PHACTR1: variants seen among roughly 807,000 people sequenced by gnomAD.
PHACTR1 encodes the protein phosphatase and actin regulator 1.
A neutral mutation model predicts 69.2 loss-of-function variants in PHACTR1; 16 were observed. That is an observed-to-expected ratio of 0.23 (90% CI 0.16 to 0.35). PHACTR1 has a LOEUF of 0.35. PHACTR1 is among the 10% of genes least tolerant of loss of function. The pLI, the probability that PHACTR1 is intolerant of heterozygous loss-of-function variation, is 1.00. For missense variants in PHACTR1, 510 were observed against 734.7 expected (o/e 0.69, Z 3.54); for synonymous variants, 312 against 284.5 (o/e 1.10, Z -0.97).
intron 5 of PHACTR1, among the ~76,000 whole-genome samples, chr6:13,109,310 G>T (rs2127896689): frequency 6.6e-6 from 1 of 151,882 alleles, no homozygotes; most frequent in Non-Finnish European, 1.5e-5. Flanking sequence ...CCTCTAATAT[G>T]TCTTATAGTG....
At chr6:13,085,783 G>T (rs539721412) in intron 5 of PHACTR1, among the ~76,000 whole-genome samples, 152 of 152,062 alleles carry the variant, frequency 1.0e-3, no homozygotes, top group African/African-American at 3.5e-3. Flanking sequence ...ATGTTTTATG[G>T]ATTAAAGAAT....
chr6:12,977,300 C>T (rs1795006256), intron 4 of PHACTR1, among the ~76,000 whole-genome samples: 1 of 152,044 alleles, frequency 6.6e-6, no homozygotes, highest in East Asian at 1.9e-4. Flanking sequence ...TGGAATGTAC[C>T]TCCCTGCAGA....
intron 5 of PHACTR1, among the ~76,000 whole-genome samples, chr6:13,098,959 A>G (rs1561828739): frequency 6.6e-6 from 1 of 152,218 alleles, no homozygotes; most frequent in Non-Finnish European, 1.5e-5. Flanking sequence ...AAGCAAAAAC[A>G]TAGTCATATC....
chr6:13,232,278 C>T (rs1275858052), intron 10 of PHACTR1, among the ~76,000 whole-genome samples: 1 of 152,216 alleles, frequency 6.6e-6, no homozygotes, highest in Non-Finnish European at 1.5e-5. Context: ...GTATTCTTCC[C>T]TCCCACCTGA....
chr6:13,133,598 T>A (rs1293390178), intron 5 of PHACTR1, among the ~76,000 whole-genome samples: 1 of 152,052 alleles, frequency 6.6e-6, no homozygotes, highest in Non-Finnish European at 1.5e-5. Flanking sequence ...CACTCAGTGC[T>A]CAATGTTGCC....
At chr6:13,069,379 A>G (rs769731039) in intron 5 of PHACTR1, among the ~76,000 whole-genome samples, 2 of 152,020 alleles carry the variant, frequency 1.3e-5, no homozygotes, top group Non-Finnish European at 2.9e-5. Context: ...TTTTCTCTCC[A>G]AAGTTCTGAT....
intron 14 of PHACTR1, 134 bp from the exon 15 acceptor site, chr6:13,286,929 C>T (rs546475943): frequency 2.2e-6 from 2 of 915,778 alleles, no homozygotes; most frequent in South Asian, 3.2e-5. Context: ...CAGTGGTACT[C>T]CTGTGGGGAT....
intron 7 of PHACTR1, among the ~76,000 whole-genome samples, chr6:13,200,298 C>T (rs1409560131): frequency 3.9e-5 from 6 of 152,104 alleles, no homozygotes; most frequent in East Asian, 1.9e-4. Context: ...GCAACCTCCA[C>T]CTCCTGGGTT....
intron 5 of PHACTR1, among the ~76,000 whole-genome samples, chr6:13,152,093 G>A (rs921441452): frequency 1.4e-4 from 22 of 152,180 alleles, no homozygotes; most frequent in Admixed American, 1.2e-3. Context: ...AGCACTCTGG[G>A]AGGTAGAGGT....
At chr6:12,831,086 T>C (rs1388495705) in intron 4 of PHACTR1, among the ~76,000 whole-genome samples, 1 of 152,174 alleles carries the variant, frequency 6.6e-6, no homozygotes, top group Non-Finnish European at 1.5e-5. Context: ...CAAAGAACTA[T>C]CGTATTTGAG....
chr6:12,718,049 G>A (rs1005414861), intron 2 of PHACTR1, among the ~76,000 whole-genome samples: 1 of 152,068 alleles, frequency 6.6e-6, no homozygotes. Context: ...GATAATATAG[G>A]GATCACTGTA....
intron 3 of PHACTR1, among the ~76,000 whole-genome samples, chr6:12,746,732 A>G (rs1765828090): frequency 6.6e-6 from 1 of 152,232 alleles, no homozygotes. Flanking sequence ...AAAATGTTAA[A>G]TGAATAAGAA....
chr6:13,201,025 T>G (rs1765164267), intron 7 of PHACTR1, among the ~76,000 whole-genome samples: 1 of 151,634 alleles, frequency 6.6e-6, no homozygotes, highest in Non-Finnish European at 1.5e-5. Flanking sequence ...AGAAGAGGAA[T>G]GAGCATCATT....
intron 5 of PHACTR1, among the ~76,000 whole-genome samples, chr6:13,133,611 G>T (rs1820925436): frequency 6.6e-6 from 1 of 152,142 alleles, no homozygotes; most frequent in African/African-American, 2.4e-5. Flanking sequence ...ATGTTGCCCA[G>T]GCTGGAGTGC....
chr6:12,787,574 CA>C (rs1292330177), intron 4 of PHACTR1, among the ~76,000 whole-genome samples: 3 of 152,160 alleles, frequency 2.0e-5, no homozygotes, highest in Admixed American at 6.5e-5. Context: ...TGCCTTTTGA[CA>C]AAAGTTAGGG....
intron 4 of PHACTR1, among the ~76,000 whole-genome samples, chr6:12,758,792 G>T (rs1767673307): frequency 6.6e-6 from 1 of 152,056 alleles, no homozygotes; most frequent in African/African-American, 2.4e-5. Flanking sequence ...GGAAAGAAGA[G>T]ATGGAACTAG....
At chr6:12,806,884 G>C (rs759455275) in intron 4 of PHACTR1, among the ~76,000 whole-genome samples, 27 of 152,164 alleles carry the variant, frequency 1.8e-4, no homozygotes, top group Non-Finnish European at 3.4e-4. Flanking sequence ...TCAGAATTGT[G>C]AATTTGTTTG....
At chr6:12,887,743 C>T (rs1290602697) in intron 4 of PHACTR1, among the ~76,000 whole-genome samples, 1 of 151,994 alleles carries the variant, frequency 6.6e-6, no homozygotes, top group African/African-American at 2.4e-5. Context: ...CTGAATGTCC[C>T]CCAAAGTTAT....
rs542523201 is a variant in PHACTR1, at chr6:13,129,235, A to C, written c.416-30969A>C. 2.0e-5 allele frequency among the ~76,000 whole-genome samples: 3 copies of C among 152,292 alleles called. No individual in the cohort carries two copies. In the South Asian group the frequency reaches 6.2e-4, roughly 32 times the overall value. ...ACAAATCTCATAGGGCCTATAAAAC[A>C]ATAACACAGTGGAAAAAAAACACGA... On this transcript the variant is annotated intron_variant, in intron 5 of 14. Coordinates refer to ENST00000332995, the MANE Select transcript of PHACTR1 (RefSeq NM_030948.6).
Sources: allele counts gnomAD v4.1 joint callset (sites outside exome capture counted in the v4.1 genomes callset), GRCh38; gene constraint gnomAD v4.1.1; transcripts MANE v1.5; gene names NCBI Gene and HGNC (gene_info 2026-07-23, HGNC 2026-07-21).